CLSTN3: variants seen among roughly 807,000 people sequenced by gnomAD.
The protein encoded by CLSTN3 is calsyntenin-3.
Under a neutral mutation model 95.9 loss-of-function variants are expected in CLSTN3, and 36 were observed. The observed-to-expected ratio is 0.38, with a 90% CI of 0.29 to 0.50. The LOEUF (loss-of-function observed/expected upper bound fraction) is 0.50. Among genes scored for constraint, CLSTN3 ranks in the 20% least tolerant of loss-of-function variants. CLSTN3 has a pLI of 0.95. For missense variants in CLSTN3, 1,084 were observed against 1,268.8 expected (o/e 0.85, Z 2.21); for synonymous variants, 481 against 504.0 (o/e 0.95, Z 0.61).
In CLSTN3 at chr12:7,138,829, C is replaced by CAA. The variant is rs5796259; in HGVS notation, c.1323+788_1323+789dup. On this transcript the variant is annotated intron_variant, in intron 8 of 17. Coordinates refer to ENST00000266546, the MANE Select transcript of CLSTN3 (RefSeq NM_014718.4). ...GTGGAGTGGCTGAGTAAGCAAACGG[C>CAA]AAAAAAAAAAAAAAAAAAAAAAAAA... 1.7e-3 allele frequency: 75 copies of CAA among 43,222 alleles called. 4 individuals carry two copies. The highest frequency in any genetic ancestry group is 6.9e-3 in the African/African-American group (67 of 9,736). 2.7% of individuals were successfully genotyped at this position (43,222 alleles called of 1,614,324 possible).
Position 7,150,775 on chromosome 12 carries a change from G to A in CLSTN3, c.2391+86G>A. 2 of 1,576,044 alleles carry A rather than the reference G, an allele frequency of 1.3e-6. No homozygotes were observed. The highest frequency in any genetic ancestry group is 1.7e-6 in the Non-Finnish European group (2 of 1,153,964). ...ATGGACTCAAAATGTTAGTTGGTGG[G>A]CATGGACATGGCAGCGTGGAGGGCT... is the stretch of plus-strand genomic sequence containing the variant. On this transcript the variant is annotated intron_variant, in intron 15 of 17. Coordinates refer to ENST00000266546, the MANE Select transcript of CLSTN3 (RefSeq NM_014718.4). The surrounding 1 kb of genome is among the most constrained non-coding windows in gnomAD (Gnocchi z 4.0).
Position 7,157,835 on chromosome 12 carries a change from G to A in CLSTN3, c.2731-106G>A, listed in dbSNP as rs758909680. ...AGGGAGAGAGGTTCAGGCAGGGAAG[G>A]GGGTACACAGGGGTTAAGGGGACCG... On this transcript the variant is annotated intron_variant, in intron 17 of 17. Coordinates refer to ENST00000266546, the MANE Select transcript of CLSTN3 (RefSeq NM_014718.4). This position sits in a 1 kb window ranked among gnomAD's most constrained non-coding sequence, Gnocchi z 5.9. 179 of 1,506,274 alleles carry A rather than the reference G, an allele frequency of 1.2e-4. No individual in the cohort carries two copies. The Middle Eastern group carries it at 1.7e-3, about 15-fold the overall frequency. 93.3% of individuals were successfully genotyped at this position (1,506,274 alleles called of 1,614,324 possible). A position where few individuals can be genotyped will look rare whatever the true frequency, so the allele number is the denominator to read the frequency against.
In CLSTN3 at chr12:7,133,088, G is replaced by C. The variant is rs369494711; in HGVS notation, c.129G>C (p.Thr43=). Reference sequence around the variant, plus strand: ...GCATCGTCATGGAGAATGACAACACGGTCCTACTGAATCCACCACTCTTTG... The same window carrying C: ...GCATCGTCATGGAGAATGACAACACCGTCCTACTGAATCCACCACTCTTTG... ...YQGIVMENDN[T]VLLNPPLFAL... The change falls in exon 2 of 18, where the codon ACG becomes ACC. Residue 43 remains threonine, a synonymous_variant. Transcript: ENST00000266546. The surrounding 1 kb of genome is among the most constrained non-coding windows in gnomAD (Gnocchi z 4.7). The C allele has an allele frequency of 4.3e-6, 7 of 1,614,076 alleles. No homozygotes were observed. Among genetic ancestry groups the C allele is most frequent in the Non-Finnish European group, 5.9e-6 (7 of 1,180,004 alleles).
At chr12:7,153,483 A>G (rs1467560610) in intron 16 of CLSTN3, among the ~76,000 whole-genome samples, 2 of 152,176 alleles carry the variant, frequency 1.3e-5, no homozygotes, top group Non-Finnish European at 2.9e-5. Flanking sequence ...GTGATTCACT[A>G]TAGCAAGTAG....
rs1040088215 is a variant in CLSTN3 at position 7,136,955 on chromosome 12, T to C, written c.1055T>C (p.Val352Ala). 6.2e-7 allele frequency: 1 copy of C among 1,614,042 alleles called. No homozygotes were observed. The highest frequency in any genetic ancestry group is 8.5e-7 in the Non-Finnish European group (1 of 1,180,010). The change falls in exon 7 of 18, where the codon GTG (valine) becomes GCG (alanine). Residue 352 changes from valine (V) to alanine (A), a missense_variant. Transcript: ENST00000266546. The part of the protein sequence containing the change: ...LIYWFNGTQA[V>A]QVPLGGPSGL... Reference sequence around the variant, plus strand: ...TACTGGTTCAATGGCACCCAGGCTGTGCAGGTGCCCCTGGGTGGCCCCAGT... The same window carrying C: ...TACTGGTTCAATGGCACCCAGGCTGCGCAGGTGCCCCTGGGTGGCCCCAGT...
At chr12:7,142,061 G>GTTT (rs63110460) in intron 9 of CLSTN3, 25 bp from the exon 10 acceptor site, 297 of 1,318,334 alleles carry the variant, frequency 2.3e-4, no homozygotes, top group Admixed American at 4.5e-4. Context: ...CACCAGCACT[G>GTTT]TTTTTTTTTT....
At chr12:7,131,637 A>G in intron 1 of CLSTN3, 1 of 382,798 alleles carries the variant, frequency 2.6e-6, no homozygotes, top group Non-Finnish European at 5.2e-6. Context: ...ACAGAGGCTC[A>G]GAGACCTGGG....
chr12:7,149,152 T>A lies in CLSTN3; in HGVS notation c.2028T>A (p.Ile676=). 6.2e-7 allele frequency: 1 copy of A among 1,614,166 alleles called. No individual in the cohort carries two copies. Among genetic ancestry groups the A allele is most frequent in the Non-Finnish European group, 8.5e-7 (1 of 1,180,038 alleles). The change falls in exon 13 of 18, where the codon ATT becomes ATA. Residue 676 remains isoleucine, a synonymous_variant. Transcript: ENST00000266546. The surrounding 1 kb of genome is among the most constrained non-coding windows in gnomAD (Gnocchi z 4.5). ...CTGATCTTCAAATCACCTGCTCCAT[T>A]TCTCACCAGGTGGAGGCCAAAAAGG... is the stretch of plus-strand genomic sequence containing the variant. ...LFPDLQITCS[I]SHQVEAKKDE... is the part of the protein sequence containing the mutation.
intron 1 of CLSTN3, chr12:7,132,252 A>C: frequency 4.0e-6 from 1 of 252,244 alleles, no homozygotes; most frequent in Non-Finnish European, 8.0e-6. Flanking sequence ...GGTCTTGTGG[A>C]GGACATAGAA....
chr12:7,131,100 T>C, intron 1 of CLSTN3: 1 of 378,546 alleles, frequency 2.6e-6, no homozygotes. Context: ...TGGCGCATGC[T>C]AAGGGTGTGT....
In CLSTN3 at chr12:7,136,354, T is replaced by G; in HGVS notation, c.891T>G (p.Arg297=). The change falls in exon 6 of 18, where the codon CGT becomes CGG. Residue 297 remains arginine (R), a synonymous_variant. Transcript: ENST00000266546. ...QTSHVAKGCD[R]DNYSERALRK... is the part of the protein sequence containing the mutation. ...GCCATGTGGCCAAGGGCTGTGACCG[T>G]GACAACTACTCAGAGCGGGCGCTGC... 1 of 1,614,128 alleles carries G rather than the reference T, an allele frequency of 6.2e-7. No homozygotes were observed. The highest frequency in any genetic ancestry group is 8.5e-7 in the Non-Finnish European group (1 of 1,179,984).
At chr12:7,151,219 C>A in intron 16 of CLSTN3, 156 bp downstream of exon 16, 5 of 722,696 alleles carry the variant, frequency 6.9e-6, no homozygotes, top group South Asian at 2.4e-5. Context: ...AGCTATGGAC[C>A]AATCCCTCTC....
Position 7,141,699 on chromosome 12 carries a change from T to C in CLSTN3, c.1486+295T>C, listed in dbSNP as rs1591616853. Among the ~76,000 whole-genome samples the C allele has an allele frequency of 6.6e-6, 1 of 152,212 alleles. No homozygotes were observed. Among genetic ancestry groups the C allele is most frequent in the African/African-American group, 2.4e-5 (1 of 41,454 alleles). ...TTTTTTCCATCAAAGTGATGATGAC[T>C]TCCATAGCCCATTCCCCTGCTCAAG... On this transcript the variant is annotated intron_variant, in intron 9 of 17. Coordinates refer to ENST00000266546, the MANE Select transcript of CLSTN3 (RefSeq NM_014718.4). The surrounding 1 kb of genome is among the most constrained non-coding windows in gnomAD (Gnocchi z 4.1).
rs753159999 is a variant in CLSTN3 at position 7,143,273 on chromosome 12, G to C, written c.1809G>C (p.Thr603=). 2 of 1,612,364 alleles carry C rather than the reference G, an allele frequency of 1.2e-6. No homozygotes were observed. The highest frequency in any genetic ancestry group is 1.1e-5 in the South Asian group (1 of 91,090). The change falls in exon 12 of 18, where the codon ACG becomes ACC. Residue 603 remains threonine (T), a synonymous_variant. Coordinates refer to ENST00000266546, the MANE Select transcript of CLSTN3 (RefSeq NM_014718.4). Reference sequence around the variant, plus strand: ...ACATGAACACTCTGCGCTTTGCCACGCCCGGCGTCAGGCCCCTGCGCCTCA... The same window carrying C: ...ACATGAACACTCTGCGCTTTGCCACCCCCGGCGTCAGGCCCCTGCGCCTCA... ...VAYMNTLRFA[T]PGVRPLRLTT...
intron 5 of CLSTN3, 81 bp from the exon 6 acceptor site, chr12:7,136,125 G>C: frequency 1.3e-6 from 2 of 1,540,604 alleles, no homozygotes; most frequent in South Asian, 2.5e-5. Context: ...ACTGTCCATG[G>C]ACATGGCAAG....
At chr12:7,156,799 G>C (rs1939824606) in intron 16 of CLSTN3, 1 of 456,176 alleles carries the variant, frequency 2.2e-6, no homozygotes, top group Non-Finnish European at 4.4e-6. Context: ...TGCAGGGCCA[G>C]AAGCATGGGA....
rs1939849566 is a variant in CLSTN3, at chr12:7,157,902, G to A, written c.2731-39G>A. 1 of 1,547,080 alleles carries A rather than the reference G, an allele frequency of 6.5e-7. No individual in the cohort carries two copies. The highest frequency in any genetic ancestry group is 1.2e-5 in the South Asian group (1 of 83,974). ...TGAAAGAGAGGCTGGGATGTGTGCA[G>A]GCCATTGATCCCTTCTCCTCTCTGT... On this transcript the variant is annotated intron_variant, in intron 17 of 17. Transcript: ENST00000266546. The surrounding 1 kb of genome is among the most constrained non-coding windows in gnomAD (Gnocchi z 5.9).
chr12:7,136,051 GGAT>G, intron 5 of CLSTN3, 98 bp downstream of exon 5: 1 of 1,511,632 alleles, frequency 6.6e-7, no homozygotes, highest in East Asian at 2.3e-5. Flanking sequence ...GCTAGGGCTT[GGAT>G]GATATTGGGG....
Position 7,149,114 on chromosome 12 carries a change from G to T in CLSTN3, c.1990G>T (p.Val664Phe). Residue 664 changes from valine to phenylalanine, a missense_variant, in exon 13 of 18, where the codon GTC becomes TTC. Val to Phe is a conservative substitution (Grantham distance 50). Transcript: ENST00000266546. This position sits in a 1 kb window ranked among gnomAD's most constrained non-coding sequence, Gnocchi z 4.5. ...PAVDFEGTNGVPLFPDLQITC... is the reference protein window; with the variant it reads ...PAVDFEGTNGFPLFPDLQITC... ...TGTGGACTTTGAGGGAACCAACGGC[G>T]TCCCTTTGTTCCCTGATCTTCAAAT... 6.2e-7 allele frequency: 1 copy of T among 1,614,190 alleles called. No individual in the cohort carries two copies. The highest frequency in any genetic ancestry group is 1.1e-5 in the South Asian group (1 of 91,078).
Sources: allele counts gnomAD v4.1 joint callset (sites outside exome capture counted in the v4.1 genomes callset), GRCh38; gene constraint gnomAD v4.1.1; non-coding constraint Gnocchi (gnomAD v3.1); transcripts MANE v1.5; gene names NCBI Gene and HGNC (gene_info 2026-07-23, HGNC 2026-07-21).